The following EXOC4 variants were observed in gnomAD, a reference collection of about 807,000 sequenced individuals.
EXOC4 encodes SEC8-like 1.
In EXOC4, 71 loss-of-function variants were observed where a neutral mutation model predicts 107.2. The ratio of observed to expected loss-of-function variants is 0.66; its 90% confidence interval spans 0.55 to 0.81. EXOC4 has a LOEUF of 0.81. Among genes scored for constraint, EXOC4 ranks in the 30% least tolerant of loss-of-function variants. The probability of loss-of-function intolerance (pLI) is 0.00; values close to 1 mark genes in which losing one functional copy is unlikely to be tolerated. For missense variants in EXOC4, 1,108 were observed against 1,189.6 expected (o/e 0.93, Z 1.01); for synonymous variants, 456 against 441.2 (o/e 1.03, Z -0.42).
chr7:134,024,350 C>T (rs527609256), intron 17 of EXOC4, among the ~76,000 whole-genome samples: 2 of 151,814 alleles, frequency 1.3e-5, no homozygotes, highest in East Asian at 3.9e-4. Context: ...ACTCAGGAGG[C>T]TGAGGCAGGA....
intron 3 of EXOC4, among the ~76,000 whole-genome samples, chr7:133,305,352 TGTAAAAAAATGTATTTA>T (rs1486314818): frequency 6.6e-6 from 1 of 152,196 alleles, no homozygotes; most frequent in African/African-American, 2.4e-5. Context: ...GTAGCATTCA[TGTAAAAAAATGTATTTA>T]CCTCTGTGTG....
chr7:133,985,512 C>A (rs1445742258), intron 14 of EXOC4, among the ~76,000 whole-genome samples: 1 of 152,198 alleles, frequency 6.6e-6, no homozygotes, highest in Non-Finnish European at 1.5e-5. Context: ...CTTTTATCTA[C>A]CACCATCACT....
At chr7:133,860,316 G>T (rs77277959) in intron 11 of EXOC4, among the ~76,000 whole-genome samples, 10 of 152,240 alleles carry the variant, frequency 6.6e-5, no homozygotes, top group African/African-American at 2.2e-4. Flanking sequence ...CCCTTTCTCC[G>T]CCTCGTTTTC....
chr7:133,861,722 T>G (rs1315015710), intron 11 of EXOC4, among the ~76,000 whole-genome samples: 1 of 152,052 alleles, frequency 6.6e-6, no homozygotes, highest in Non-Finnish European at 1.5e-5. Flanking sequence ...TTAGTAGAGA[T>G]GGGGTTTCAC....
At chr7:133,336,691 T>G (rs1322109332) in intron 5 of EXOC4, among the ~76,000 whole-genome samples, 1 of 105,140 alleles carries the variant, frequency 9.5e-6, no homozygotes, top group Non-Finnish European at 2.0e-5. Flanking sequence ...TTTTATTTTA[T>G]TTATTTTATT....
chr7:133,738,728 A>G (rs1219899610), intron 10 of EXOC4, among the ~76,000 whole-genome samples: 2 of 152,302 alleles, frequency 1.3e-5, no homozygotes, highest in East Asian at 3.9e-4. Flanking sequence ...AGCTTCTTCT[A>G]ATTTGAAGAT....
chr7:134,071,747 A>C, the EXOC4 span, among the ~76,000 whole-genome samples: 1 of 152,212 alleles, frequency 6.6e-6, no homozygotes, highest in African/African-American at 2.4e-5. Flanking sequence ...AGGAATGAGC[A>C]AAGGCAGTTT....
chr7:133,826,302 A>G (rs908191214), intron 11 of EXOC4, among the ~76,000 whole-genome samples: 1 of 152,212 alleles, frequency 6.6e-6, no homozygotes, highest in East Asian at 1.9e-4. Flanking sequence ...CTTATTTAGT[A>G]CATTTTAATT....
chr7:133,729,866 A>G (rs1795289941), intron 10 of EXOC4, among the ~76,000 whole-genome samples: 1 of 151,992 alleles, frequency 6.6e-6, no homozygotes, highest in South Asian at 2.1e-4. Flanking sequence ...AGGCTAAGAA[A>G]ACTTCCTTTT....
At chr7:133,396,560 A>G (rs1015631525) in intron 7 of EXOC4, 1 of 152,216 alleles carries the variant, frequency 6.6e-6, no homozygotes, top group Non-Finnish European at 1.5e-5. Context: ...TCAATTAGGA[A>G]AGTACCTGAG....
At chr7:133,321,130 T>C (rs1795100908) in intron 5 of EXOC4, among the ~76,000 whole-genome samples, 1 of 152,194 alleles carries the variant, frequency 6.6e-6, no homozygotes, top group Non-Finnish European at 1.5e-5. Flanking sequence ...CTGGGGAGTA[T>C]GGCTCTCCCA....
intron 11 of EXOC4, among the ~76,000 whole-genome samples, chr7:133,890,601 T>C (rs1799185143): frequency 9.8e-6 from 1 of 102,242 alleles, no homozygotes; most frequent in African/African-American, 5.1e-5. Context: ...GATTTTTGTA[T>C]AAGGTGTAAG....
the EXOC4 span, among the ~76,000 whole-genome samples, chr7:134,075,020 A>G: frequency 9.2e-5 from 14 of 152,200 alleles, no homozygotes; most frequent in Non-Finnish European, 1.3e-4. Context: ...AAAGTAAGCA[A>G]AGAAAGTGAA....
At chr7:133,654,702 A>T (rs1438779399) in intron 10 of EXOC4, among the ~76,000 whole-genome samples, 1 of 152,162 alleles carries the variant, frequency 6.6e-6, no homozygotes, top group Non-Finnish European at 1.5e-5. Flanking sequence ...ATAGTCACAC[A>T]TCACTTAACC....
intron 7 of EXOC4, among the ~76,000 whole-genome samples, chr7:133,431,127 G>C (rs1563063152): frequency 6.6e-6 from 1 of 152,164 alleles, no homozygotes; most frequent in Non-Finnish European, 1.5e-5. Flanking sequence ...CTAGAATTCT[G>C]GTCCTGATTT....
chr7:133,488,490 C>G (rs1235017263), intron 9 of EXOC4, among the ~76,000 whole-genome samples: 1 of 151,846 alleles, frequency 6.6e-6, no homozygotes, highest in Non-Finnish European at 1.5e-5. Context: ...CAGAGGCAGA[C>G]ATATGGAAAT....
intron 10 of EXOC4, among the ~76,000 whole-genome samples, chr7:133,738,531 G>A (rs1038580685): frequency 3.9e-5 from 6 of 152,104 alleles, no homozygotes; most frequent in African/African-American, 1.2e-4. Context: ...TGCATTCTAC[G>A]AGACATTCTT....
intron 9 of EXOC4, among the ~76,000 whole-genome samples, chr7:133,497,359 G>T (rs1172169671): frequency 6.6e-6 from 1 of 151,872 alleles, no homozygotes; most frequent in Non-Finnish European, 1.5e-5. Context: ...TGCTAGGCTA[G>T]CTCTCTTGTT....
At chr7:133,339,461 T>A (rs1795608442) in intron 5 of EXOC4, among the ~76,000 whole-genome samples, 1 of 152,224 alleles carries the variant, frequency 6.6e-6, no homozygotes, top group Admixed American at 6.5e-5. Context: ...AGATTTGTTC[T>A]TTTTGTATAG....
Sources: gnomAD v4.1 joint callset for allele counts (sites outside exome capture counted in the v4.1 genomes callset) on GRCh38, gnomAD v4.1.1 for gene constraint, MANE v1.5 for transcripts, NCBI Gene and HGNC (gene_info 2026-07-23, HGNC 2026-07-21) for gene names.